Variants in PMS1 observed in about 807,000 individuals in gnomAD.
The protein encoded by PMS1 is PMS1 protein homolog 1.
Under a neutral mutation model 93.1 loss-of-function variants are expected in PMS1, and 79 were observed. The observed-to-expected ratio is 0.85, with a 90% confidence interval of 0.71 to 1.02. The LOEUF is 1.02. Ranked by LOEUF, PMS1 falls within the 50% of genes least tolerant of loss-of-function variation. PMS1 has a pLI of 0.00. For synonymous variants in PMS1, 335 were observed against 363.4 expected, an observed-to-expected ratio of 0.92 and a Z score of 0.89; for missense variants, 1,064 against 1,085.3, an observed-to-expected ratio of 0.98 and a Z score of 0.28.
Position 189,805,638 on chromosome 2 carries a change from T to C in PMS1, c.316-14T>C, listed in dbSNP as rs761206462. 5.0e-6 allele frequency: 8 copies of C among 1,598,270 alleles called. No homozygotes were observed. The African/African-American group carries it at 9.4e-5, about 19-fold the overall frequency. The stretch of plus-strand genomic sequence containing the variant: ...TCTAAAGTGTTAGTTTTATTAGATG[T>C]TTTTTTCCCCCAGGTTTTAATTACA... On this transcript the variant is annotated splice_polypyrimidine_tract_variant and intron_variant, in intron 3 of 12. Coordinates refer to ENST00000441310, the MANE Select transcript of PMS1 (RefSeq NM_000534.5).
chr2:189,830,002 TTTAA>T (rs56084306), intron 5 of PMS1, among the ~76,000 whole-genome samples: 22 of 152,324 alleles, frequency 1.4e-4, no homozygotes, highest in Non-Finnish European at 2.5e-4. Flanking sequence ...ATAACTCATG[TTTAA>T]TTAGTTCCCA....
intron 3 of PMS1, among the ~76,000 whole-genome samples, chr2:189,797,442 T>C (rs992928126): frequency 4.6e-5 from 7 of 152,184 alleles, no homozygotes; most frequent in African/African-American, 1.7e-4. Flanking sequence ...ATTTCTGTTA[T>C]CTCAGTTGTG....
intron 12 of PMS1, among the ~76,000 whole-genome samples, chr2:189,874,017 A>T (rs2057361915): frequency 6.6e-6 from 1 of 152,184 alleles, no homozygotes; most frequent in Admixed American, 6.5e-5. Flanking sequence ...ACTTTAAGAT[A>T]CTTATTTCTT....
intron 1 of PMS1, among the ~76,000 whole-genome samples, chr2:189,787,905 A>G (rs990897890): frequency 3.3e-5 from 5 of 152,194 alleles, no homozygotes; most frequent in African/African-American, 1.2e-4. Flanking sequence ...ATGACATGAC[A>G]TGGAAGAAGA....
intron 5 of PMS1, among the ~76,000 whole-genome samples, chr2:189,841,892 C>G (rs531979667): frequency 6.6e-6 from 1 of 151,954 alleles, no homozygotes; most frequent in East Asian, 2.0e-4. Context: ...AAAAGACCTC[C>G]TTTCTGCATT....
intron 11 of PMS1, among the ~76,000 whole-genome samples, chr2:189,868,739 T>G (rs1317043223): frequency 6.6e-6 from 1 of 152,204 alleles, no homozygotes; most frequent in Admixed American, 6.5e-5. Context: ...GTAAAAACAA[T>G]GTACAAAAGC....
At chr2:189,800,683 T>C (rs1245444201) in intron 3 of PMS1, among the ~76,000 whole-genome samples, 1 of 152,184 alleles carries the variant, frequency 6.6e-6, no homozygotes, top group Non-Finnish European at 1.5e-5. Flanking sequence ...TTTGGTTATT[T>C]TATCTACCAA....
intron 6 of PMS1, among the ~76,000 whole-genome samples, chr2:189,846,590 G>T (rs1357667625): frequency 6.6e-6 from 1 of 151,714 alleles, no homozygotes; most frequent in African/African-American, 2.4e-5. Flanking sequence ...GAGGTGGGAG[G>T]ATCCCTTGAG....
intron 11 of PMS1, among the ~76,000 whole-genome samples, chr2:189,870,144 T>C (rs955368319): frequency 5.9e-5 from 9 of 152,226 alleles, no homozygotes; most frequent in Non-Finnish European, 8.8e-5. Context: ...TTATGTTTTC[T>C]TTCTTCATTT....
intron 5 of PMS1, among the ~76,000 whole-genome samples, chr2:189,818,993 A>G (rs1180393011): frequency 6.6e-6 from 1 of 152,214 alleles, no homozygotes; most frequent in Non-Finnish European, 1.5e-5. Context: ...TAGTATATCC[A>G]TCACCAGAAT....
intron 3 of PMS1, 103 bp from the exon 4 acceptor site, chr2:189,805,549 G>A (rs1243727980): frequency 4.3e-6 from 4 of 922,666 alleles, no homozygotes; most frequent in Admixed American, 3.7e-5. Flanking sequence ...GGTAAAATAC[G>A]CTATTGAGTA....
chr2:189,871,727 C>T (rs1311512161), intron 11 of PMS1, among the ~76,000 whole-genome samples: 1 of 152,190 alleles, frequency 6.6e-6, no homozygotes, highest in Non-Finnish European at 1.5e-5. Flanking sequence ...CAGTGCCCCA[C>T]TCCTCAGTAC....
rs1005712243 is a variant in PMS1, at chr2:189,852,925, G to A, written c.822+148G>A. The A allele has an allele frequency of 4.4e-5, 28 of 643,406 alleles. No homozygotes were observed. The Middle Eastern group carries it at 1.3e-3, about 29-fold the overall frequency. 39.9% of individuals were successfully genotyped at this position (643,406 alleles called of 1,614,324 possible). On this transcript the variant is annotated intron_variant, in intron 7 of 12. Coordinates refer to ENST00000441310, the MANE Select transcript of PMS1 (RefSeq NM_000534.5). ...TATGCATGATAGAAAGACATATGAT[G>A]TCTCTCTTATTCTTCCTGGCAATTC...
chr2:189,807,959 T>A (rs1233267), intron 4 of PMS1, among the ~76,000 whole-genome samples: 10,353 of 152,290 alleles, frequency 0.068, 704 homozygotes, highest in African/African-American at 0.17. Context: ...AAGTTGTTCT[T>A]GGTGGACATA....
rs1477333779 is a variant in PMS1, at chr2:189,873,481, T to C, written c.2474-15T>C. Reference sequence around the variant, plus strand: ...ATATGAACTTAACTATGTGTTTTTATTTTTTTTCTTTCAGGAGTTTCAATT... The same window carrying C: ...ATATGAACTTAACTATGTGTTTTTACTTTTTTTCTTTCAGGAGTTTCAATT... On this transcript the variant is annotated splice_polypyrimidine_tract_variant and intron_variant, in intron 11 of 12. Coordinates refer to ENST00000441310, the MANE Select transcript of PMS1 (RefSeq NM_000534.5). The C allele has an allele frequency of 2.0e-6, 3 of 1,537,006 alleles. No homozygotes were observed. In the Admixed American group the frequency reaches 5.0e-5, roughly 26 times the overall value.
At chr2:189,807,413 G>T (rs2050439762) in intron 4 of PMS1, among the ~76,000 whole-genome samples, 1 of 152,078 alleles carries the variant, frequency 6.6e-6, no homozygotes, top group Admixed American at 6.6e-5. Flanking sequence ...TTAAAATATG[G>T]CTCCTCTCTA....
chr2:189,806,190 A>G lies in PMS1; in HGVS notation c.418+436A>G, dbSNP rs371812291. On this transcript the variant is annotated intron_variant, in intron 4 of 12. Transcript: ENST00000441310. ...AATTGATGGAAAACTTCAAACATGC[A>G]TAAGAAGTTACTGTACTTATCACTC... The G allele has an allele frequency of 1.4e-3, 439 of 303,042 alleles. 3 individuals carry two copies. In the Middle Eastern group the frequency reaches 0.025, roughly 17 times the overall value. 18.8% of individuals were successfully genotyped at this position (303,042 alleles called of 1,614,324 possible).
At chr2:189,842,912 C>T (rs2053931851) in intron 5 of PMS1, among the ~76,000 whole-genome samples, 1 of 148,480 alleles carries the variant, frequency 6.7e-6, no homozygotes, top group South Asian at 2.1e-4. Flanking sequence ...TTTAATGCCT[C>T]TCTGGGCCTG....
At chr2:189,809,447 C>CT (rs972672920) in intron 4 of PMS1, among the ~76,000 whole-genome samples, 647 of 63,444 alleles carry the variant, frequency 0.01, 67 homozygotes, top group East Asian at 0.011. Context: ...AAGCACATTT[C>CT]TTTTTTTTTT....
Sources: gnomAD v4.1 joint callset for allele counts (sites outside exome capture counted in the v4.1 genomes callset) on GRCh38, gnomAD v4.1.1 for gene constraint, MANE v1.5 for transcripts, NCBI Gene and HGNC (gene_info 2026-07-23, HGNC 2026-07-21) for gene names.